The following STK32B variants were observed in gnomAD, a reference collection of about 807,000 sequenced individuals.
STK32B encodes serine/threonine-protein kinase 32B.
Under a neutral mutation model 52.6 loss-of-function variants are expected in STK32B, and 43 were observed. The observed-to-expected ratio is 0.82, with a 90% confidence interval of 0.64 to 1.05. The LOEUF (loss-of-function observed/expected upper bound fraction) is 1.05. Ranked by LOEUF, STK32B falls within the 50% of genes least tolerant of loss-of-function variation. STK32B has a pLI of 0.00. For missense variants in STK32B, 621 were observed against 534.6 expected, an observed-to-expected ratio of 1.16 and a Z score of -1.59; for synonymous variants, 238 against 204.3, an observed-to-expected ratio of 1.17 and a Z score of -1.41.
At chr4:5,090,553 C>T (rs919012136) in intron 1 of STK32B, among the ~76,000 whole-genome samples, 25 of 151,622 alleles carry the variant, frequency 1.6e-4, no homozygotes, top group African/African-American at 5.3e-4. Context: ...TTAGTAGAGA[C>T]GGGGTTTCAC....
chr4:5,388,753 A>G (rs1360153018), intron 4 of STK32B, among the ~76,000 whole-genome samples: 4 of 152,328 alleles, frequency 2.6e-5, no homozygotes, highest in African/African-American at 9.6e-5. Context: ...TGACTCCCTC[A>G]TTGGGCCAAG....
intron 6 of STK32B, among the ~76,000 whole-genome samples, chr4:5,436,972 G>A (rs899369193): frequency 1.4e-4 from 21 of 152,168 alleles, no homozygotes; most frequent in African/African-American, 4.3e-4. Context: ...ATGGCATCAG[G>A]GTGAAAGAGC....
chr4:5,276,167 T>G (rs1263002712), intron 3 of STK32B, among the ~76,000 whole-genome samples: 1 of 152,038 alleles, frequency 6.6e-6, no homozygotes, highest in Non-Finnish European at 1.5e-5. Context: ...TGCACACCTG[T>G]AGTCCTGGCT....
rs182144465 is a variant in STK32B, at chr4:5,469,442, G to A, written c.1106+1372G>A. Among the ~76,000 whole-genome samples the A allele has an allele frequency of 1.9e-3, 287 of 152,310 alleles. 6 individuals carry two copies. The highest frequency in any genetic ancestry group is 0.018 in the Admixed American group (283 of 15,302). On this transcript the variant is annotated intron_variant, in intron 11 of 11. Coordinates refer to ENST00000282908, the MANE Select transcript of STK32B (RefSeq NM_018401.3). The surrounding 1 kb of genome is among the most constrained non-coding windows in gnomAD (Gnocchi z 4.7). ...TCCTAAGGGACATGTAGGGGAAAAC[G>A]CGGCATTCCAGGAGTAGGAAAAGTG...
chr4:5,167,539 G>A (rs1577132065), intron 2 of STK32B, among the ~76,000 whole-genome samples: 4 of 152,216 alleles, frequency 2.6e-5, no homozygotes, highest in Admixed American at 1.3e-4. Flanking sequence ...CAGGGCATGG[G>A]AGAGGCAGAA....
chr4:5,408,186 T>G (rs1737801135), intron 5 of STK32B, among the ~76,000 whole-genome samples: 1 of 152,176 alleles, frequency 6.6e-6, no homozygotes, highest in Non-Finnish European at 1.5e-5. Context: ...GCTAATAAGG[T>G]ACTTAGGACT....
intron 3 of STK32B, among the ~76,000 whole-genome samples, chr4:5,245,133 CTTTACT>C (rs1371307531): frequency 7.2e-5 from 11 of 152,038 alleles, no homozygotes; most frequent in African/African-American, 2.4e-4. Flanking sequence ...TCCTTGTTAA[CTTTACT>C]TTTCTGTCTC....
chr4:5,282,012 TATA>T (rs1156416962), intron 3 of STK32B, among the ~76,000 whole-genome samples: 1 of 152,238 alleles, frequency 6.6e-6, no homozygotes, highest in Non-Finnish European at 1.5e-5. Context: ...GCTTATGGGT[TATA>T]ATGTGAGGTT....
At chr4:5,255,367 A>C (rs1045535687) in intron 3 of STK32B, among the ~76,000 whole-genome samples, 1 of 152,236 alleles carries the variant, frequency 6.6e-6, no homozygotes, top group Non-Finnish European at 1.5e-5. Flanking sequence ...TTTTCAGATC[A>C]TCACAACCAT....
intron 11 of STK32B, among the ~76,000 whole-genome samples, chr4:5,489,723 C>A (rs531558962): frequency 6.6e-6 from 1 of 152,008 alleles, no homozygotes. Context: ...CAGGTTCAAG[C>A]GATTCCCCTG....
At position 5,285,206 on chromosome 4, in the gene STK32B, G is replaced by A. The variant is rs115416745; in HGVS notation, c.261-46014G>A. ...TGCTCATGTTCTTGGTAAGGCTACCGGTCGACAGTAGGCTCTTAGTAAAGT... is the reference window on the plus strand; with the variant it reads ...TGCTCATGTTCTTGGTAAGGCTACCAGTCGACAGTAGGCTCTTAGTAAAGT... On this transcript the variant is annotated intron_variant, in intron 3 of 11. Coordinates refer to ENST00000282908, the MANE Select transcript of STK32B (RefSeq NM_018401.3). Among the ~76,000 whole-genome samples the A allele has an allele frequency of 6.6e-5, 10 of 152,192 alleles. No individual in the cohort carries two copies. The East Asian group carries it at 1.7e-3, about 26-fold the overall frequency.
At chr4:5,033,254 G>A in the STK32B span, among the ~76,000 whole-genome samples, 6 of 152,126 alleles carry the variant, frequency 3.9e-5, no homozygotes, top group Admixed American at 3.3e-4. Flanking sequence ...TAGGTGATAC[G>A]GCGTCCACAG....
intron 5 of STK32B, among the ~76,000 whole-genome samples, chr4:5,409,752 GGTT>G (rs1193106974): frequency 2.6e-5 from 4 of 152,096 alleles, no homozygotes; most frequent in African/African-American, 9.7e-5. Context: ...TCTTGTCACT[GGTT>G]GTTGTTTTCC....
At chr4:5,099,449 TGC>T (rs1553823508) in intron 1 of STK32B, among the ~76,000 whole-genome samples, 5 of 36,152 alleles carry the variant, frequency 1.4e-4, no homozygotes, top group South Asian at 1.2e-3. Context: ...TGTGTGTGTG[TGC>T]GCGCGCGCGT....
intron 1 of STK32B, among the ~76,000 whole-genome samples, chr4:5,103,637 A>C (rs1169478302): frequency 2.0e-5 from 3 of 152,166 alleles, no homozygotes; most frequent in Admixed American, 1.3e-4. Flanking sequence ...ACACGCTGAG[A>C]AACGGTAGAA....
chr4:5,173,817 G>A (rs1286200438), intron 3 of STK32B, among the ~76,000 whole-genome samples: 2 of 152,172 alleles, frequency 1.3e-5, no homozygotes, highest in East Asian at 3.8e-4. Flanking sequence ...ATGTCTATTA[G>A]GTCTCCTTGG....
chr4:5,494,276 A>T (rs1720010476), intron 11 of STK32B, among the ~76,000 whole-genome samples: 1 of 152,208 alleles, frequency 6.6e-6, no homozygotes, highest in Non-Finnish European at 1.5e-5. Flanking sequence ...TATTGGGTGC[A>T]CATATATTTA....
At chr4:5,459,280 G>A (rs1215830008) in intron 8 of STK32B, among the ~76,000 whole-genome samples, 2 of 90,138 alleles carry the variant, frequency 2.2e-5, no homozygotes, top group African/African-American at 9.7e-5. Flanking sequence ...GGACCCTGGT[G>A]TGCCCCCCCC....
intron 3 of STK32B, among the ~76,000 whole-genome samples, chr4:5,311,895 C>G (rs952880039): frequency 3.5e-5 from 5 of 140,892 alleles, no homozygotes; most frequent in Non-Finnish European, 7.4e-5. Context: ...AAGAGAAGTG[C>G]ATACTTTTAT....
Sources: gnomAD v4.1 joint callset for allele counts (sites outside exome capture counted in the v4.1 genomes callset) on GRCh38, gnomAD v4.1.1 for gene constraint, Gnocchi (gnomAD v3.1) non-coding constraint, MANE v1.5 for transcripts, NCBI Gene and HGNC (gene_info 2026-07-23, HGNC 2026-07-21) for gene names.